Variants in PRICKLE4 observed in about 807,000 individuals in gnomAD.
The protein encoded by PRICKLE4 is prickle planar cell polarity protein 4, also known as prickle-like protein 4.
In PRICKLE4, 40 loss-of-function variants were observed where a neutral mutation model predicts 43.5. The observed-to-expected ratio is 0.92, with a 90% CI of 0.71 to 1.20. The LOEUF is 1.20. PRICKLE4 is among the 50% of genes most tolerant of loss of function. PRICKLE4 has a pLI of 0.00. For synonymous variants in PRICKLE4, 208 were observed against 197.4 expected, an observed-to-expected ratio of 1.05 and a Z score of -0.45; for missense variants, 527 against 491.2, an observed-to-expected ratio of 1.07 and a Z score of -0.69.
chr6:41,785,507 G>T lies in PRICKLE4; in HGVS notation c.549G>T (p.Glu183Asp). The T allele has an allele frequency of 6.2e-7, 1 of 1,613,790 alleles. No homozygotes were observed. Residue 183 changes from glutamate (E) to aspartate (D), a missense_variant, in exon 6 of 8, where the codon GAG (glutamate) becomes GAT (aspartate). Coordinates refer to ENST00000458694, the MANE Select transcript of PRICKLE4 (RefSeq NM_013397.6). Reference sequence around the variant, plus strand: ...TCTACTGCGGCCGTCATCATGCAGAGTTGCTGCGCCCGCGCTGCCCGGCTT... The same window carrying T: ...TCTACTGCGGCCGTCATCATGCAGATTTGCTGCGCCCGCGCTGCCCGGCTT... ...GQLYCGRHHA[E>D]LLRPRCPACD...
At position 41,786,124 on chromosome 6, in the gene PRICKLE4, C is replaced by T. The variant is rs767160503; in HGVS notation, c.583-4C>T. 6.2e-7 allele frequency: 1 copy of T among 1,612,890 alleles called. No homozygotes were observed. The highest frequency in any genetic ancestry group is 1.7e-5 in the Admixed American group (1 of 60,026). On this transcript the variant is annotated splice_polypyrimidine_tract_variant and splice_region_variant and intron_variant, in intron 6 of 7. Coordinates refer to ENST00000458694, the MANE Select transcript of PRICKLE4 (RefSeq NM_013397.6). ...ACGTTCCCCTCTCCCTCTCCCTCTC[C>T]CAGCTGATCTTCTCCTGGCGCTGCA...
Position 41,787,186 on chromosome 6 carries a change from A to G in PRICKLE4, c.*57A>G, listed in dbSNP as rs1464638684. The G allele has an allele frequency of 4.6e-6, 7 of 1,524,028 alleles. No individual in the cohort carries two copies. Among genetic ancestry groups the G allele is most frequent in the African/African-American group, 1.4e-5 (1 of 72,360 alleles). The allele number at this position is 1,524,028 out of a possible 1,614,324, so 94.4% of individuals were successfully genotyped here. A position where few individuals can be genotyped will look rare whatever the true frequency, so the allele number is the denominator to read the frequency against. On this transcript the variant is annotated 3_prime_UTR_variant, in exon 8 of 8. Transcript: ENST00000458694. Reference sequence around the variant, plus strand: ...AGGAAAGGGGTCTGTAAAGCGGGAGAACAAGGCTAGCCTCCCCCTAACAAT... The same window carrying G: ...AGGAAAGGGGTCTGTAAAGCGGGAGGACAAGGCTAGCCTCCCCCTAACAAT...
intron 2 of PRICKLE4, among the ~76,000 whole-genome samples, chr6:41,783,077 T>C (rs1008311197): frequency 3.9e-5 from 6 of 152,030 alleles, no homozygotes; most frequent in African/African-American, 1.5e-4. Context: ...GGGTGCATGG[T>C]GAGAAACGGT....
At position 41,784,188 on chromosome 6, in the gene PRICKLE4, TG is replaced by T; in HGVS notation, c.192del (p.Trp64Ter). 6 of 1,614,094 alleles carry T rather than the reference TG, an allele frequency of 3.7e-6. No individual in the cohort carries two copies. Among genetic ancestry groups the T allele is most frequent in the Non-Finnish European group, 5.1e-6 (6 of 1,179,964 alleles). ...LCLDTNQAPN[W>X]TGLQTLLQQL... ...CCTGGACACCAACCAAGCCCCCAAC[TG>T]GACTGGACTTCAGACCCTCCTGCAG... On this transcript the variant is annotated frameshift_variant, in exon 4 of 8. Transcript: ENST00000458694. LOFTEE classifies it high-confidence loss of function.
At chr6:41,785,303 TACTCCG>T (rs1170716831) in intron 5 of PRICKLE4, 28 bp from the exon 6 acceptor site, 1 of 1,604,690 alleles carries the variant, frequency 6.2e-7, no homozygotes, top group South Asian at 1.1e-5. Flanking sequence ...TGGTAGTGCT[TACTCCG>T]ACCACCTCAG....
intron 2 of PRICKLE4, among the ~76,000 whole-genome samples, chr6:41,782,594 G>A (rs56060939): frequency 0.14 from 21,852 of 151,002 alleles, 1,594 homozygotes; most frequent in East Asian, 0.23. Context: ...GGTTTACACC[G>A]TGTTAGCCAG....
chr6:41,785,248 G>A (rs1273195683), intron 5 of PRICKLE4, 89 bp from the exon 6 acceptor site: 2 of 1,524,048 alleles, frequency 1.3e-6, no homozygotes, highest in Non-Finnish European at 1.8e-6. Context: ...GGTATGGCGA[G>A]AACAGGTTGG....
chr6:41,785,741 C>G (rs1299481496), intron 6 of PRICKLE4, among the ~76,000 whole-genome samples: 2 of 152,222 alleles, frequency 1.3e-5, no homozygotes, highest in East Asian at 3.8e-4. Context: ...CTGGCCTCCC[C>G]CACTGCAGAG....
intron 2 of PRICKLE4, among the ~76,000 whole-genome samples, chr6:41,782,452 C>T (rs543556387): frequency 2.2e-5 from 3 of 136,940 alleles, no homozygotes; most frequent in East Asian, 2.2e-4. Context: ...TGCAGTGGCG[C>T]GATCTTGGCT....
At position 41,783,547 on chromosome 6, in the gene PRICKLE4, A is replaced by C. The variant is rs1447234535; in HGVS notation, c.74A>C (p.Asn25Thr). 2 of 1,612,880 alleles carry C rather than the reference A, an allele frequency of 1.2e-6. No individual in the cohort carries two copies. The highest frequency in any genetic ancestry group is 1.7e-6 in the Non-Finnish European group (2 of 1,179,286). Reference sequence around the variant, plus strand: ...CCCCAGGATCCAGGTCCACCAGCCAACTCAGACAGTGACTCAGGCCACCTG... The same window carrying C: ...CCCCAGGATCCAGGTCCACCAGCCACCTCAGACAGTGACTCAGGCCACCTG... Reference protein sequence around the residue: ...PKPQDPGPPANSDSDSGHLPG... With the variant: ...PKPQDPGPPATSDSDSGHLPG... Residue 25 changes from asparagine to threonine, a missense_variant, in exon 3 of 8, where the codon AAC (asparagine) becomes ACC (threonine). By Grantham distance (65) the Asn-to-Thr change is moderately conservative. Coordinates refer to ENST00000458694, the MANE Select transcript of PRICKLE4 (RefSeq NM_013397.6).
At chr6:41,783,913 TG>T in intron 3 of PRICKLE4, 2 of 707,188 alleles carry the variant, frequency 2.8e-6, no homozygotes. Flanking sequence ...TTTTGGGGTG[TG>T]GGGCCTCCCC....
chr6:41,786,793 G>T lies in PRICKLE4; in HGVS notation c.819G>T (p.Arg273Ser), dbSNP rs1254763615. ...CTGGACTCGACCGAACTGAAGGAAG[G>T]GACCAAACCTCGGTGAACTCTGCAA... ...GETGLDRTEG[R>S]DQTSVNSATL... The change falls in exon 8 of 8, where the codon AGG becomes AGT. Residue 273 changes from arginine (R) to serine (S), a missense_variant. Physicochemically the swap from Arg to Ser is moderately radical, Grantham distance 110 (BLOSUM62 -1). Transcript: ENST00000458694. The T allele has an allele frequency of 2.5e-6, 4 of 1,610,914 alleles. No individual in the cohort carries two copies. Among genetic ancestry groups the T allele is most frequent in the Non-Finnish European group, 3.4e-6 (4 of 1,178,822 alleles).
intron 3 of PRICKLE4, 144 bp from the exon 4 acceptor site, chr6:41,783,987 A>T (rs923929305): frequency 3.0e-6 from 2 of 676,972 alleles, no homozygotes; most frequent in African/African-American, 1.8e-5. Flanking sequence ...CTCAGTGAGG[A>T]TCTGCAAGGA....
intron 6 of PRICKLE4, among the ~76,000 whole-genome samples, chr6:41,785,870 G>A (rs1772635090): frequency 6.6e-6 from 1 of 152,136 alleles, no homozygotes; most frequent in Non-Finnish European, 1.5e-5. Context: ...AAATTCCCTT[G>A]ATGTCAGCAT....
At position 41,784,195 on chromosome 6, in the gene PRICKLE4, G is replaced by C. The variant is rs766459458; in HGVS notation, c.197G>C (p.Gly66Ala). The change falls in exon 4 of 8, where the codon GGA (glycine) becomes GCA (alanine). Residue 66 changes from glycine (G) to alanine (A), a missense_variant. Transcript: ENST00000458694. ...ACCAACCAAGCCCCCAACTGGACTG[G>C]ACTTCAGACCCTCCTGCAGCAACTC... ...LDTNQAPNWT[G>A]LQTLLQQLPP... 3 of 1,613,938 alleles carry C rather than the reference G, an allele frequency of 1.9e-6. No homozygotes were observed. Among genetic ancestry groups the C allele is most frequent in the African/African-American group, 1.3e-5 (1 of 74,920 alleles).
At position 41,785,005 on chromosome 6, in the gene PRICKLE4, AGGAAGCCCTGGGACAGGG is replaced by A; in HGVS notation, c.314_331del (p.Glu105_Gly110del). On this transcript the variant is annotated inframe_deletion, in exon 5 of 8. Coordinates refer to ENST00000458694, the MANE Select transcript of PRICKLE4 (RefSeq NM_013397.6). Reference sequence around the variant, plus strand: ...CAGCTCTTCTGTGCCAGGCGGAAGCAGGAAGCCCTGGGACAGGGGGTAGCCCGCCTGGTACTTCCCAAG... The same window carrying A: ...CAGCTCTTCTGTGCCAGGCGGAAGCAGGTAGCCCGCCTGGTACTTCCCAAG... 1.2e-6 allele frequency: 2 copies of A among 1,613,802 alleles called. No individual in the cohort carries two copies. Among genetic ancestry groups the A allele is most frequent in the South Asian group, 2.2e-5 (2 of 91,052 alleles).
intron 1 of PRICKLE4, chr6:41,781,143 G>A (rs1772544535): frequency 6.5e-6 from 1 of 152,810 alleles, no homozygotes; most frequent in Non-Finnish European, 1.5e-5. Context: ...TCTGCACGGA[G>A]GCAAGACAAG....
Position 41,784,187 on chromosome 6 carries a change from C to T in PRICKLE4, c.189C>T (p.Asn63=). Residue 63 remains asparagine, a synonymous_variant, in exon 4 of 8, where the codon AAC becomes AAT. Transcript: ENST00000458694. ...GCCTGGACACCAACCAAGCCCCCAACTGGACTGGACTTCAGACCCTCCTGC... is the reference window on the plus strand; with the variant it reads ...GCCTGGACACCAACCAAGCCCCCAATTGGACTGGACTTCAGACCCTCCTGC... The part of the protein sequence containing the change: ...SLCLDTNQAP[N]WTGLQTLLQQ... The T allele has an allele frequency of 1.2e-6, 2 of 1,614,136 alleles. No homozygotes were observed. The highest frequency in any genetic ancestry group is 1.7e-6 in the Non-Finnish European group (2 of 1,179,980).
At chr6:41,782,382 TC>T (rs1315743882) in intron 2 of PRICKLE4, among the ~76,000 whole-genome samples, 34 of 116,926 alleles carry the variant, frequency 2.9e-4, no homozygotes, top group Admixed American at 1.3e-3. Context: ...AATGGTCACT[TC>T]TTCTTTTTTT....
Sources: gnomAD v4.1 joint callset for allele counts (sites outside exome capture counted in the v4.1 genomes callset) on GRCh38, gnomAD v4.1.1 for gene constraint, MANE v1.5 for transcripts, NCBI Gene and HGNC (gene_info 2026-07-23, HGNC 2026-07-21) for gene names.